The following PTP4A3 variants were observed in gnomAD, a reference collection of about 807,000 sequenced individuals.
PTP4A3 encodes the protein protein tyrosine phosphatase 4A3.
Under a neutral mutation model 15.2 loss-of-function variants are expected in PTP4A3, and 9 were observed. That is an observed-to-expected ratio of 0.59 (90% CI 0.36 to 1.03). PTP4A3 has a LOEUF of 1.03. Among genes scored for constraint, PTP4A3 ranks in the 50% least tolerant of loss-of-function variants. PTP4A3 has a pLI of 0.02. For synonymous variants in PTP4A3, 95 were observed against 102.0 expected, an observed-to-expected ratio of 0.93 and a Z score of 0.41; for missense variants, 234 against 252.1, an observed-to-expected ratio of 0.93 and a Z score of 0.49.
In PTP4A3 at chr8:141,406,977, G is replaced by A. The variant is rs1041944845; in HGVS notation, c.-853-14411G>A. ...ATCTCTGATGCCACCTTCACCTTCT[G>A]GATTCTCTCCAGGGGAGGAGGTCAG... On this transcript the variant is annotated intron_variant, in intron 1 of 5. Transcript: ENST00000521578. The surrounding 1 kb of genome is among the most constrained non-coding windows in gnomAD (Gnocchi z 4.5). Among the ~76,000 whole-genome samples the A allele has an allele frequency of 9.2e-5, 14 of 152,306 alleles. 1 individual carries two copies. The East Asian group carries it at 1.5e-3, about 17-fold the overall frequency.
Position 141,430,949 on chromosome 8 carries a change from A to G in PTP4A3, c.427A>G (p.Ser143Gly). ...IRQKRRGAINSKQLTYLEKYR... is the reference protein window; with the variant it reads ...IRQKRRGAINGKQLTYLEKYR... ...CAGGAAGCGCCGCGGAGCCATCAAC[A>G]GCAAGCAGCTCACCTACCTGGAGAA... The change falls in exon 6 of 6, where the codon AGC (serine) becomes GGC (glycine). Residue 143 changes from serine (S) to glycine (G), a missense_variant. Transcript: ENST00000521578. 2 of 1,613,296 alleles carry G rather than the reference A, an allele frequency of 1.2e-6. No individual in the cohort carries two copies. Among genetic ancestry groups the G allele is most frequent in the East Asian group, 2.2e-5 (1 of 44,878 alleles).
chr8:141,421,817 G>A lies in PTP4A3; in HGVS notation c.-424G>A. On this transcript the variant is annotated 5_prime_UTR_variant, in exon 2 of 6. An upstream open reading frame in the 5' UTR gains an earlier in-frame stop. Transcript: ENST00000521578. The stretch of plus-strand genomic sequence containing the variant: ...CGCCCCCGGTGTGGGGTCCAGCTCT[G>A]GACACTGCTTGGCGGCCGGGTTCAC... The A allele has an allele frequency of 5.5e-6, 1 of 180,276 alleles. No individual in the cohort carries two copies. Among genetic ancestry groups the A allele is most frequent in the South Asian group, 1.2e-4 (1 of 8,646 alleles). 11.2% of individuals were successfully genotyped at this position (180,276 alleles called of 1,614,324 possible).
At chr8:141,401,832 T>G (rs759376292) in intron 1 of PTP4A3, among the ~76,000 whole-genome samples, 2 of 152,076 alleles carry the variant, frequency 1.3e-5, no homozygotes, top group African/African-American at 2.4e-5. Flanking sequence ...ACAGAACCAT[T>G]TACCGAGCGC....
rs140371114 is a variant in PTP4A3, at chr8:141,397,500, G to A, written c.-854+5416G>A. 2.3e-3 allele frequency among the ~76,000 whole-genome samples: 355 copies of A among 152,342 alleles called. 1 individual carries two copies. Among genetic ancestry groups the A allele is most frequent in the African/African-American group, 7.1e-3 (295 of 41,582 alleles). ...ACAAGTACAGAACAATGACAACTCC[G>A]CCACCTGGCTGCCCCACGCTGGGCA... is the stretch of plus-strand genomic sequence containing the variant. On this transcript the variant is annotated intron_variant, in intron 1 of 5. Coordinates refer to ENST00000521578, the MANE Select transcript of PTP4A3 (RefSeq NM_032611.3).
chr8:141,422,347 T>G lies in PTP4A3; in HGVS notation c.105+2T>G, dbSNP rs762551334. On this transcript the variant is annotated splice_donor_variant, in intron 2 of 5. Transcript: ENST00000521578. LOFTEE classifies it high-confidence loss of function. ...GCCACGCTCAGCACCTTCATTGAGG[T>G]GAGTGGAGACGGAGGTGTGGCAGGC... The G allele has an allele frequency of 6.2e-7, 1 of 1,613,190 alleles. No homozygotes were observed. The highest frequency in any genetic ancestry group is 8.5e-7 in the Non-Finnish European group (1 of 1,179,926).
intron 1 of PTP4A3, among the ~76,000 whole-genome samples, chr8:141,417,402 C>CT (rs1833096370): frequency 6.6e-6 from 1 of 152,030 alleles, no homozygotes; most frequent in South Asian, 2.1e-4. Context: ...GGCGGTGGGG[C>CT]TGGTGGGCTG....
rs139636766 is a variant in PTP4A3 at position 141,409,565 on chromosome 8, C to T, written c.-853-11823C>T. Among the ~76,000 whole-genome samples, 622 of 152,332 alleles carry T rather than the reference C, an allele frequency of 4.1e-3. 8 individuals carry two copies. The highest frequency in any genetic ancestry group is 0.014 in the Middle Eastern group (4 of 294). On this transcript the variant is annotated intron_variant, in intron 1 of 5. Transcript: ENST00000521578. Reference sequence around the variant, plus strand: ...AGATGGCAGAGGGCTCCACATAGCCCCTAGGCTGGCAGGATGTGTTCTGAG... The same window carrying T: ...AGATGGCAGAGGGCTCCACATAGCCTCTAGGCTGGCAGGATGTGTTCTGAG...
At chr8:141,428,943 A>G (rs922753766) in intron 5 of PTP4A3, among the ~76,000 whole-genome samples, 1 of 152,190 alleles carries the variant, frequency 6.6e-6, no homozygotes, top group African/African-American at 2.4e-5. Flanking sequence ...ATGCGGGTGC[A>G]CACCTTCCCC....
At chr8:141,430,042 A>C (rs78774813) in intron 5 of PTP4A3, among the ~76,000 whole-genome samples, 119 of 28,464 alleles carry the variant, frequency 4.2e-3, no homozygotes, top group Non-Finnish European at 5.7e-3. Context: ...TGTAAGGACC[A>C]GGTGGCGGGG....
intron 5 of PTP4A3, among the ~76,000 whole-genome samples, chr8:141,430,225 C>G (rs1347931811): frequency 6.8e-6 from 1 of 147,016 alleles, no homozygotes; most frequent in Non-Finnish European, 1.5e-5. Context: ...GCGCATAGCC[C>G]AGGTCCCCGC....
intron 1 of PTP4A3, among the ~76,000 whole-genome samples, chr8:141,421,064 T>G (rs1308106261): frequency 2.6e-5 from 4 of 152,186 alleles, no homozygotes; most frequent in Non-Finnish European, 4.4e-5. Flanking sequence ...ATCTGTCATC[T>G]GTGTGCTGGG....
At chr8:141,420,534 CT>C (rs927611296) in intron 1 of PTP4A3, among the ~76,000 whole-genome samples, 2 of 152,214 alleles carry the variant, frequency 1.3e-5, no homozygotes, top group Non-Finnish European at 1.5e-5. Context: ...GTGGCCCCCC[CT>C]GCCGCCTCCC....
intron 5 of PTP4A3, among the ~76,000 whole-genome samples, chr8:141,429,045 T>C (rs1181962872): frequency 6.6e-6 from 1 of 152,250 alleles, no homozygotes; most frequent in Non-Finnish European, 1.5e-5. Flanking sequence ...GAGGCTGCGC[T>C]GGTCAGGACA....
chr8:141,404,215 C>G (rs951914641), intron 1 of PTP4A3, among the ~76,000 whole-genome samples: 1 of 152,180 alleles, frequency 6.6e-6, no homozygotes, highest in African/African-American at 2.4e-5. Flanking sequence ...TTTTTTTTCT[C>G]GTCAGCGTTA....
chr8:141,424,505 C>G (rs531155691), intron 2 of PTP4A3, among the ~76,000 whole-genome samples: 5 of 152,216 alleles, frequency 3.3e-5, no homozygotes, highest in Admixed American at 3.3e-4. Flanking sequence ...TGCGGCTCAG[C>G]TGGGGTCGCT....
intron 1 of PTP4A3, among the ~76,000 whole-genome samples, chr8:141,407,857 G>A (rs868221622): frequency 7.2e-5 from 11 of 152,130 alleles, no homozygotes; most frequent in African/African-American, 2.7e-4. Context: ...GTGAGCCACC[G>A]TGCCTGGCCA....
chr8:141,417,787 G>A (rs556050436), intron 1 of PTP4A3, among the ~76,000 whole-genome samples: 1 of 152,086 alleles, frequency 6.6e-6, no homozygotes, highest in Non-Finnish European at 1.5e-5. Flanking sequence ...TTTGTTTCCC[G>A]GGCAGGGCGC....
intron 1 of PTP4A3, among the ~76,000 whole-genome samples, chr8:141,414,087 C>T (rs112916095): frequency 0.084 from 12,639 of 151,068 alleles, 1,696 homozygotes; most frequent in African/African-American, 0.28. Flanking sequence ...TGTGTGTGCA[C>T]GTGAGCACAC....
chr8:141,400,274 G>A (rs1343601254), intron 1 of PTP4A3, among the ~76,000 whole-genome samples: 1 of 144,548 alleles, frequency 6.9e-6, no homozygotes, highest in Admixed American at 6.7e-5. Flanking sequence ...CACTGTGCCC[G>A]GCCCACATCT....
Sources: gnomAD v4.1 joint callset for allele counts (sites outside exome capture counted in the v4.1 genomes callset) on GRCh38, gnomAD v4.1.1 for gene constraint, Gnocchi (gnomAD v3.1) non-coding constraint, MANE v1.5 for transcripts, NCBI Gene and HGNC (gene_info 2026-07-23, HGNC 2026-07-21) for gene names.